Variants in KIRREL3 observed in about 807,000 individuals in gnomAD.
KIRREL3 encodes kin of IRRE-like protein 3.
KIRREL3 carries 36 observed loss-of-function variants against 89.7 expected under a neutral mutation model. The observed-to-expected ratio is 0.40, with a 90% CI of 0.31 to 0.53. The LOEUF (loss-of-function observed/expected upper bound fraction) is 0.53, where lower values mean the gene tolerates loss of function less well. Ranked by LOEUF, KIRREL3 falls within the 20% of genes least tolerant of loss-of-function variation. KIRREL3 has a pLI of 0.49. For synonymous variants in KIRREL3, 445 were observed against 441.4 expected, an observed-to-expected ratio of 1.01 and a Z score of -0.10; for missense variants, 864 against 1,056.6, an observed-to-expected ratio of 0.82 and a Z score of 2.53.
chr11:126,862,154 A>G (rs1203262491), intron 1 of KIRREL3, among the ~76,000 whole-genome samples: 2 of 152,254 alleles, frequency 1.3e-5, no homozygotes, highest in Non-Finnish European at 2.9e-5. Context: ...TTCCCCTAGC[A>G]TCATGCTGTT....
chr11:126,865,677 G>A (rs1944895426), intron 1 of KIRREL3, among the ~76,000 whole-genome samples: 1 of 152,228 alleles, frequency 6.6e-6, no homozygotes, highest in Non-Finnish European at 1.5e-5. Flanking sequence ...ACAGGACCCT[G>A]AGGGATCGAC....
At position 126,705,310 on chromosome 11, in the gene KIRREL3, G is replaced by A. The variant is rs1039256843; in HGVS notation, c.56-142398C>T. 2.6e-5 allele frequency among the ~76,000 whole-genome samples: 4 copies of A among 152,168 alleles called. No homozygotes were observed. Among genetic ancestry groups the A allele is most frequent in the Non-Finnish European group, 5.9e-5 (4 of 68,022 alleles). On this transcript the variant is annotated intron_variant, in intron 1 of 16. Transcript: ENST00000525144. The surrounding 1 kb of genome is among the most constrained non-coding windows in gnomAD (Gnocchi z 4.3). ...TATTGAAGGTGGGGCCTGGTGGGAG[G>A]TGATTGGGTCATGAGGTCGGATTCC...
rs190104255 is a variant in KIRREL3 at position 126,847,062 on chromosome 11, A to G, written c.55+153393T>C. On this transcript the variant is annotated intron_variant, in intron 1 of 16. Coordinates refer to ENST00000525144, the MANE Select transcript of KIRREL3 (RefSeq NM_032531.4). ...TTTATGAAGATCTTACCTTATGGTC[A>G]GGCATTACAATTGGATAGATTTATC... 3.7e-3 allele frequency among the ~76,000 whole-genome samples: 570 copies of G among 152,310 alleles called. 4 individuals carry two copies. The highest frequency in any genetic ancestry group is 0.013 in the African/African-American group (535 of 41,578).
At chr11:126,827,218 C>T (rs1393083108) in intron 1 of KIRREL3, among the ~76,000 whole-genome samples, 10 of 151,810 alleles carry the variant, frequency 6.6e-5, no homozygotes, top group Admixed American at 1.3e-4. Flanking sequence ...CGCTCTGTTG[C>T]CCAGGCTGGA....
At chr11:126,600,887 C>T (rs1942623680) in intron 1 of KIRREL3, among the ~76,000 whole-genome samples, 2 of 152,320 alleles carry the variant, frequency 1.3e-5, no homozygotes, top group South Asian at 4.1e-4. Context: ...ACTGTTCCCT[C>T]TCCCAGTCAC....
intron 1 of KIRREL3, among the ~76,000 whole-genome samples, chr11:126,966,138 G>A: frequency 6.6e-6 from 1 of 152,086 alleles, no homozygotes; most frequent in East Asian, 1.9e-4. Context: ...TCCTGCAATA[G>A]GATTTTGGAA....
intron 3 of KIRREL3, among the ~76,000 whole-genome samples, chr11:126,524,347 A>T (rs1958683978): frequency 6.6e-6 from 1 of 152,228 alleles, no homozygotes; most frequent in Non-Finnish European, 1.5e-5. Context: ...GTGGCCAAAG[A>T]GGTCTTTATC....
At chr11:126,444,206 A>G (rs1955698494) in intron 10 of KIRREL3, among the ~76,000 whole-genome samples, 1 of 152,174 alleles carries the variant, frequency 6.6e-6, no homozygotes, top group Admixed American at 6.5e-5. Context: ...TATTATATAT[A>G]ATAAGACATG....
chr11:126,529,850 A>T (rs1190647738), intron 2 of KIRREL3, among the ~76,000 whole-genome samples: 3 of 134,714 alleles, frequency 2.2e-5, no homozygotes. Context: ...TTCTCTTTTA[A>T]ACCAATGAGT....
chr11:126,887,697 A>G (rs1190165652), intron 1 of KIRREL3, among the ~76,000 whole-genome samples: 1 of 152,262 alleles, frequency 6.6e-6, no homozygotes, highest in Non-Finnish European at 1.5e-5. Flanking sequence ...AGATTTAACT[A>G]AATGTTGGAA....
At chr11:126,851,572 G>A (rs1944339376) in intron 1 of KIRREL3, among the ~76,000 whole-genome samples, 1 of 152,164 alleles carries the variant, frequency 6.6e-6, no homozygotes, top group Admixed American at 6.5e-5. Context: ...CAGACAGAGA[G>A]AACATCTCGA....
chr11:126,527,507 T>A lies in KIRREL3; in HGVS notation c.134-820A>T, dbSNP rs1429774955. 6.6e-6 allele frequency among the ~76,000 whole-genome samples: 1 copy of A among 152,170 alleles called. No individual in the cohort carries two copies. Among genetic ancestry groups the A allele is most frequent in the Admixed American group, 6.5e-5 (1 of 15,284 alleles). The stretch of plus-strand genomic sequence containing the variant: ...TAGTTCATTAATATTTTCATCGTCA[T>A]AACAACCTAAAAATAGTAGGCACTA... On this transcript the variant is annotated intron_variant, in intron 2 of 16. Transcript: ENST00000525144. This position sits in a 1 kb window ranked among gnomAD's most constrained non-coding sequence, Gnocchi z 4.2.
rs762840758 is a variant in KIRREL3, at chr11:126,780,260, T to C, written c.56-217348A>G. 6.6e-6 allele frequency among the ~76,000 whole-genome samples: 1 copy of C among 152,192 alleles called. No individual in the cohort carries two copies. The highest frequency in any genetic ancestry group is 1.5e-5 in the Non-Finnish European group (1 of 68,034). On this transcript the variant is annotated intron_variant, in intron 1 of 16. Transcript: ENST00000525144. The surrounding 1 kb of genome is among the most constrained non-coding windows in gnomAD (Gnocchi z 5.3). Reference sequence around the variant, plus strand: ...CTAGCGTGGGTGTGTGGACTGCAGATGTGTAAGAGCAGCCTATCTTCTTCC... The same window carrying C: ...CTAGCGTGGGTGTGTGGACTGCAGACGTGTAAGAGCAGCCTATCTTCTTCC...
rs1186444682 is a variant in KIRREL3, at chr11:126,780,887, A to G, written c.56-217975T>C. Among the ~76,000 whole-genome samples, 2 of 152,246 alleles carry G rather than the reference A, an allele frequency of 1.3e-5. No homozygotes were observed. Among genetic ancestry groups the G allele is most frequent in the Non-Finnish European group, 2.9e-5 (2 of 68,048 alleles). ...TGAGCATGCCCTAGTGTCTTCATCT[A>G]TAAAATGGGATGAAGCTGCCTTATG... is the stretch of plus-strand genomic sequence containing the variant. On this transcript the variant is annotated intron_variant, in intron 1 of 16. Coordinates refer to ENST00000525144, the MANE Select transcript of KIRREL3 (RefSeq NM_032531.4). This position sits in a 1 kb window ranked among gnomAD's most constrained non-coding sequence, Gnocchi z 5.3.
At chr11:126,952,615 C>T in intron 1 of KIRREL3, among the ~76,000 whole-genome samples, 1 of 152,168 alleles carries the variant, frequency 6.6e-6, no homozygotes. Context: ...GTTGCCATTG[C>T]TTTTGGTGTT....
Position 126,912,976 on chromosome 11 carries a change from C to A in KIRREL3, c.55+87479G>T, listed in dbSNP as rs1183370159. On this transcript the variant is annotated intron_variant, in intron 1 of 16. Coordinates refer to ENST00000525144, the MANE Select transcript of KIRREL3 (RefSeq NM_032531.4). The surrounding 1 kb of genome is among the most constrained non-coding windows in gnomAD (Gnocchi z 4.7). The stretch of plus-strand genomic sequence containing the variant: ...TCAAGAGAGGAAATGCCTTAAGGAA[C>A]CACGAGATCCCTTGAAGAGACTCAG... Among the ~76,000 whole-genome samples the A allele has an allele frequency of 2.6e-5, 4 of 152,190 alleles. No homozygotes were observed. Among genetic ancestry groups the A allele is most frequent in the African/African-American group, 9.7e-5 (4 of 41,446 alleles).
At position 126,653,634 on chromosome 11, in the gene KIRREL3, A is replaced by C. The variant is rs945966077; in HGVS notation, c.56-90722T>G. On this transcript the variant is annotated intron_variant, in intron 1 of 16. Transcript: ENST00000525144. The surrounding 1 kb of genome is among the most constrained non-coding windows in gnomAD (Gnocchi z 5.4). The stretch of plus-strand genomic sequence containing the variant: ...AGGAGCTCTTTTCAAGGTCACACGG[A>C]CACTCTGACCCGACTCTCTCCTGGC... Among the ~76,000 whole-genome samples the C allele has an allele frequency of 6.6e-6, 1 of 152,112 alleles. No individual in the cohort carries two copies. Among genetic ancestry groups the C allele is most frequent in the Non-Finnish European group, 1.5e-5 (1 of 68,018 alleles).
In KIRREL3 at chr11:126,805,013, A is replaced by C. The variant is rs1253941704; in HGVS notation, c.55+195442T>G. ...GGTTATGAGGAGATTAAGATTCAGA[A>C]AAGTTGGCTTATCATTTAAGGAGCA... On this transcript the variant is annotated intron_variant, in intron 1 of 16. Transcript: ENST00000525144. This position sits in a 1 kb window ranked among gnomAD's most constrained non-coding sequence, Gnocchi z 4.3. Among the ~76,000 whole-genome samples the C allele has an allele frequency of 1.3e-5, 2 of 152,168 alleles. No individual in the cohort carries two copies. The highest frequency in any genetic ancestry group is 2.9e-5 in the Non-Finnish European group (2 of 68,034).
intron 1 of KIRREL3, among the ~76,000 whole-genome samples, chr11:126,971,380 C>G (rs2067639932): frequency 6.6e-6 from 1 of 152,126 alleles, no homozygotes; most frequent in Non-Finnish European, 1.5e-5. Context: ...CTTGGAAATT[C>G]TGAAGAGATA....
Sources: gnomAD v4.1 joint callset for allele counts (sites outside exome capture counted in the v4.1 genomes callset) on GRCh38, gnomAD v4.1.1 for gene constraint, Gnocchi (gnomAD v3.1) non-coding constraint, MANE v1.5 for transcripts, NCBI Gene and HGNC (gene_info 2026-07-23, HGNC 2026-07-21) for gene names.